Variants in ADAMTS6 observed in about 807,000 individuals in gnomAD.
The protein encoded by ADAMTS6 is ADAM metallopeptidase with thrombospondin type 1 motif 6.
A neutral mutation model predicts 144.3 loss-of-function variants in ADAMTS6; 23 were observed. The ratio of observed to expected loss-of-function variants is 0.16; its 90% CI spans 0.11 to 0.23. The LOEUF (loss-of-function observed/expected upper bound fraction) is 0.23, where lower values mean the gene tolerates loss of function less well. Ranked by LOEUF, ADAMTS6 falls within the 10% of genes least tolerant of loss-of-function variation. ADAMTS6 has a pLI of 1.00. For missense variants in ADAMTS6, 999 were observed against 1,379.6 expected, an observed-to-expected ratio of 0.72 and a Z score of 4.37; for synonymous variants, 444 against 457.5, an observed-to-expected ratio of 0.97 and a Z score of 0.38.
At chr5:65,256,456 C>T (rs1207518204) in intron 14 of ADAMTS6, 2 of 152,114 alleles carry the variant, frequency 1.3e-5, no homozygotes, top group African/African-American at 4.8e-5. Flanking sequence ...AGCAGAATTG[C>T]CTCAAGTTCT....
At chr5:65,252,669 ATAAC>A (rs1241607900) in intron 14 of ADAMTS6, among the ~76,000 whole-genome samples, 1 of 151,954 alleles carries the variant, frequency 6.6e-6, no homozygotes, top group African/African-American at 2.4e-5. Flanking sequence ...CCAGAGAGTT[ATAAC>A]TAATAACAAT....
intron 7 of ADAMTS6, among the ~76,000 whole-genome samples, chr5:65,389,867 G>A (rs1752770615): frequency 6.6e-6 from 1 of 152,140 alleles, no homozygotes; most frequent in Non-Finnish European, 1.5e-5. Flanking sequence ...TGTCATTTGA[G>A]TGACAATAAA....
At chr5:65,242,739 G>A (rs1431334764) in intron 14 of ADAMTS6, among the ~76,000 whole-genome samples, 2 of 152,072 alleles carry the variant, frequency 1.3e-5, no homozygotes, top group Admixed American at 6.6e-5. Context: ...CAAAATGCTA[G>A]ACCTCAAGTA....
intron 14 of ADAMTS6, among the ~76,000 whole-genome samples, chr5:65,249,267 T>C (rs1371142950): frequency 2.6e-5 from 4 of 152,158 alleles, no homozygotes; most frequent in Admixed American, 6.6e-5. Context: ...TTCCTGGGCA[T>C]GCACATTAAG....
In ADAMTS6 at chr5:65,230,720, T is replaced by C. The variant is rs1341014929; in HGVS notation, c.1934-4501A>G. On this transcript the variant is annotated intron_variant, in intron 15 of 24. Coordinates refer to ENST00000381055, the MANE Select transcript of ADAMTS6 (RefSeq NM_197941.4). Reference sequence around the variant, plus strand: ...ATGTATGAAATATATATAACACATATGTATGAAATATATATATAACACATA... The same window carrying C: ...ATGTATGAAATATATATAACACATACGTATGAAATATATATATAACACATA... Among the ~76,000 whole-genome samples the C allele has an allele frequency of 8.0e-5, 8 of 99,656 alleles. 2 individuals carry two copies. Among genetic ancestry groups the C allele is most frequent in the Non-Finnish European group, 1.5e-4 (8 of 51,794 alleles). 65.4% of individuals were successfully genotyped at this position (99,656 alleles called of 152,430 possible).
intron 9 of ADAMTS6, among the ~76,000 whole-genome samples, chr5:65,305,472 T>C (rs1250312181): frequency 6.6e-6 from 1 of 152,134 alleles, no homozygotes; most frequent in Non-Finnish European, 1.5e-5. Flanking sequence ...ATAATGATGC[T>C]GTGCCTTGAA....
chr5:65,321,650 T>C (rs1430030681), intron 9 of ADAMTS6, among the ~76,000 whole-genome samples: 1 of 151,864 alleles, frequency 6.6e-6, no homozygotes, highest in Non-Finnish European at 1.5e-5. Flanking sequence ...CTAGGTTCTT[T>C]CAGGGTTTTA....
intron 7 of ADAMTS6, among the ~76,000 whole-genome samples, chr5:65,346,485 G>A (rs1487160245): frequency 2.0e-5 from 3 of 151,598 alleles, no homozygotes; most frequent in African/African-American, 7.3e-5. Context: ...TCTCAACACA[G>A]TAAAGATCCT....
chr5:65,273,881 A>G (rs2112659561), intron 11 of ADAMTS6, among the ~76,000 whole-genome samples: 1 of 152,342 alleles, frequency 6.6e-6, no homozygotes, highest in Middle Eastern at 3.4e-3. Flanking sequence ...AATGAAGACA[A>G]TTTTAAAACA....
chr5:65,226,803 G>T (rs1757763267), intron 15 of ADAMTS6, among the ~76,000 whole-genome samples: 1 of 152,104 alleles, frequency 6.6e-6, no homozygotes, highest in Non-Finnish European at 1.5e-5. Flanking sequence ...GGCTGGCCTT[G>T]AACTCCTGAC....
At chr5:65,421,182 G>A (rs953811243) in intron 7 of ADAMTS6, among the ~76,000 whole-genome samples, 1 of 152,136 alleles carries the variant, frequency 6.6e-6, no homozygotes, top group Non-Finnish European at 1.5e-5. Context: ...ATGCTTTCAA[G>A]AGGTTCCATT....
chr5:65,422,347 C>T (rs1428635530), intron 7 of ADAMTS6, among the ~76,000 whole-genome samples: 1 of 152,196 alleles, frequency 6.6e-6, no homozygotes, highest in Non-Finnish European at 1.5e-5. Flanking sequence ...AAAGGGAACA[C>T]TTTGCCAGGC....
chr5:65,293,022 A>G (rs1280250273), intron 10 of ADAMTS6, among the ~76,000 whole-genome samples: 1 of 152,076 alleles, frequency 6.6e-6, no homozygotes, highest in Non-Finnish European at 1.5e-5. Flanking sequence ...ATTACGTAAA[A>G]TATCTTTAAT....
At chr5:65,453,926 A>G (rs1446462077) in intron 4 of ADAMTS6, among the ~76,000 whole-genome samples, 2 of 152,194 alleles carry the variant, frequency 1.3e-5, no homozygotes, top group African/African-American at 4.8e-5. Flanking sequence ...TATGGTTTGA[A>G]TATCTCCTCC....
intron 20 of ADAMTS6, chr5:65,210,312 A>C: frequency 6.4e-6 from 1 of 156,412 alleles, no homozygotes; most frequent in Non-Finnish European, 1.4e-5. Context: ...TTAGCCGGGC[A>C]TGGTGGCGCG....
At position 65,235,546 on chromosome 5, in the gene ADAMTS6, T is replaced by C. The variant is rs145787712; in HGVS notation, c.1933+6558A>G. ...ACCCTTAATCTGGTTGGGCACAATCTAATCAGCTGCTAGCTAGGCTAGAAT... is the reference window on the plus strand; with the variant it reads ...ACCCTTAATCTGGTTGGGCACAATCCAATCAGCTGCTAGCTAGGCTAGAAT... On this transcript the variant is annotated intron_variant, in intron 15 of 24. Transcript: ENST00000381055. Among the ~76,000 whole-genome samples the C allele has an allele frequency of 1.1e-3, 163 of 152,224 alleles. 1 individual carries two copies. Among genetic ancestry groups the C allele is most frequent in the East Asian group, 7.7e-4 (4 of 5,182 alleles).
At chr5:65,266,595 C>A (rs1761645093) in intron 12 of ADAMTS6, among the ~76,000 whole-genome samples, 1 of 151,890 alleles carries the variant, frequency 6.6e-6, no homozygotes, top group South Asian at 2.1e-4. Flanking sequence ...TATCTTTGAT[C>A]CAAAGCAAGT....
chr5:65,397,870 C>T (rs1334038002), intron 7 of ADAMTS6, among the ~76,000 whole-genome samples: 2 of 130,496 alleles, frequency 1.5e-5, no homozygotes, highest in East Asian at 4.1e-4. Context: ...GAGTAAGACC[C>T]TGTCTTAAAA....
chr5:65,382,397 A>C (rs1752121643), intron 7 of ADAMTS6, among the ~76,000 whole-genome samples: 1 of 152,216 alleles, frequency 6.6e-6, no homozygotes, highest in African/African-American at 2.4e-5. Flanking sequence ...CCTGAAATAC[A>C]AGTAATTGAA....
Sources: gnomAD v4.1 joint callset for allele counts (sites outside exome capture counted in the v4.1 genomes callset) on GRCh38, gnomAD v4.1.1 for gene constraint, MANE v1.5 for transcripts, NCBI Gene and HGNC (gene_info 2026-07-23, HGNC 2026-07-21) for gene names.